The following PREPL variants were observed in gnomAD, a reference collection of about 807,000 sequenced individuals.
PREPL encodes prolyl endopeptidase like.
PREPL carries 77 observed loss-of-function variants against 70.6 expected under a neutral mutation model. The ratio of observed to expected loss-of-function variants is 1.09; its 90% CI spans 0.91 to 1.32. The LOEUF (loss-of-function observed/expected upper bound fraction) is 1.32, where lower values mean the gene tolerates loss of function less well. Ranked by LOEUF, PREPL falls within the 40% of genes most tolerant of loss-of-function variation. PREPL has a pLI of 0.00. For synonymous variants in PREPL, 315 were observed against 264.8 expected (o/e 1.19, Z -1.84); for missense variants, 1,002 against 778.2 (o/e 1.29, Z -3.42).
intron 1 of PREPL, among the ~76,000 whole-genome samples, chr2:44,349,485 C>T (rs1676174119): frequency 6.6e-6 from 1 of 151,952 alleles, no homozygotes; most frequent in Non-Finnish European, 1.5e-5. Context: ...AATTGAAAAA[C>T]AGAATGCAAT....
At chr2:44,332,775 C>T (rs182057029) in intron 7 of PREPL, 119 bp from the exon 8 acceptor site, 37 of 738,852 alleles carry the variant, frequency 5.0e-5, no homozygotes, top group African/African-American at 3.6e-4. Context: ...TTTGTTACCA[C>T]GTCATGCCTC....
rs547830400 is a variant in PREPL, at chr2:44,319,341, A to G, written c.*2015T>C. The G allele has an allele frequency of 6.5e-6, 1 of 152,752 alleles. No individual in the cohort carries two copies. The highest frequency in any genetic ancestry group is 2.1e-4 in the South Asian group (1 of 4,832). 9.5% of individuals were successfully genotyped at this position (152,752 alleles called of 1,614,324 possible). On this transcript the variant is annotated 3_prime_UTR_variant, in exon 14 of 14. Coordinates refer to ENST00000409411, the MANE Select transcript of PREPL (RefSeq NM_001171613.2). Reference sequence around the variant, plus strand: ...ATGTATCAAGTGCCCATACTCTTTGACAAAGTAACTGTCTTTCTGATAATC... The same window carrying G: ...ATGTATCAAGTGCCCATACTCTTTGGCAAAGTAACTGTCTTTCTGATAATC...
At chr2:44,326,141 C>G (rs1339000725) in intron 10 of PREPL, among the ~76,000 whole-genome samples, 3 of 152,124 alleles carry the variant, frequency 2.0e-5, no homozygotes, top group Non-Finnish European at 4.4e-5. Flanking sequence ...TGCTTCAGTG[C>G]TTTTTCACCA....
At chr2:44,354,574 C>T (rs1396862793) in intron 1 of PREPL, among the ~76,000 whole-genome samples, 8 of 146,260 alleles carry the variant, frequency 5.5e-5, no homozygotes, top group African/African-American at 2.0e-4. Flanking sequence ...TCCTTTCCTC[C>T]TCTCTTTTTT....
At position 44,343,742 on chromosome 2, in the gene PREPL, T is replaced by C; in HGVS notation, c.349+3A>G. On this transcript the variant is annotated splice_donor_region_variant and intron_variant, in intron 4 of 13. Transcript: ENST00000409411. ...CAGAGGACTATTTTGGTTGGTGGCT[T>C]ACCAAAACTGGACACATTCGGGAAA... 1 of 1,611,444 alleles carries C rather than the reference T, an allele frequency of 6.2e-7. No homozygotes were observed. The highest frequency in any genetic ancestry group is 1.3e-5 in the African/African-American group (1 of 74,984).
At chr2:44,347,697 G>T (rs1675978546) in intron 1 of PREPL, among the ~76,000 whole-genome samples, 1 of 152,186 alleles carries the variant, frequency 6.6e-6, no homozygotes, top group South Asian at 2.1e-4. Context: ...TCAGCTCTCT[G>T]CCAAAGATGA....
Position 44,319,919 on chromosome 2 carries a change from A to C in PREPL, c.*1437T>G, listed in dbSNP as rs569078123. On this transcript the variant is annotated 3_prime_UTR_variant, in exon 14 of 14. Transcript: ENST00000409411. The stretch of plus-strand genomic sequence containing the variant: ...CATGGACATTTGCTTTGGGACTCCT[A>C]AAGTGGAGTCAAATTTGATCTCTAC... 8.1e-6 allele frequency: 3 copies of C among 370,102 alleles called. No homozygotes were observed. Among genetic ancestry groups the C allele is most frequent in the African/African-American group, 6.2e-5 (3 of 48,206 alleles). 22.9% of individuals were successfully genotyped at this position (370,102 alleles called of 1,614,324 possible). A position where few individuals can be genotyped will look rare whatever the true frequency, so the allele number is the denominator to read the frequency against.
chr2:44,349,057 G>A (rs1297114000), intron 1 of PREPL, among the ~76,000 whole-genome samples: 1 of 151,986 alleles, frequency 6.6e-6, no homozygotes, highest in Admixed American at 6.6e-5. Context: ...CTCCATTAGT[G>A]GTAAAAAGAA....
intron 1 of PREPL, among the ~76,000 whole-genome samples, chr2:44,349,378 A>T (rs1382734236): frequency 6.6e-6 from 1 of 152,182 alleles, no homozygotes; most frequent in African/African-American, 2.4e-5. Flanking sequence ...ACAAGTGTCA[A>T]CTGAAGGGGT....
rs550648039 is a variant in PREPL at position 44,337,129 on chromosome 2, A to C, written c.888+1222T>G. Among the ~76,000 whole-genome samples, 4 of 152,340 alleles carry C rather than the reference A, an allele frequency of 2.6e-5. No homozygotes were observed. In the East Asian group the frequency reaches 5.8e-4, roughly 22 times the overall value. On this transcript the variant is annotated intron_variant, in intron 7 of 13. Coordinates refer to ENST00000409411, the MANE Select transcript of PREPL (RefSeq NM_001171613.2). ...CCCAGAAATGTATAGCGCTTTAATA[A>C]AACAGAATAATTAACAGTTTCCTGA...
intron 1 of PREPL, among the ~76,000 whole-genome samples, chr2:44,351,534 C>A (rs368009960): frequency 1.1e-4 from 17 of 151,680 alleles, no homozygotes; most frequent in African/African-American, 4.1e-4. Context: ...AAAAACAAAA[C>A]CCTGTTCTCC....
upstream of PREPL, chr2:44,361,807 G>C (rs1677857686): frequency 2.9e-6 from 3 of 1,029,550 alleles, no homozygotes; most frequent in South Asian, 2.5e-5. Flanking sequence ...AGCAAGAATG[G>C]TGCAATGGCG....
rs936018663 is a variant in PREPL at position 44,327,043 on chromosome 2, G to A, written c.1263-115C>T. On this transcript the variant is annotated intron_variant, in intron 9 of 13. Transcript: ENST00000409411. ...TTGTGTGGCCCTGGAGCTAAGACTG[G>A]TTTTTGCTTTTTAAAGGTTGAGTGA... 10 of 868,990 alleles carry A rather than the reference G, an allele frequency of 1.2e-5. No homozygotes were observed. The African/African-American group carries it at 1.4e-4, about 12-fold the overall frequency. The allele number at this position is 868,990 out of a possible 1,614,324, so 53.8% of individuals were successfully genotyped here. A position where few individuals can be genotyped will look rare whatever the true frequency, so the allele number is the denominator to read the frequency against.
At position 44,342,505 on chromosome 2, in the gene PREPL, G is replaced by C; in HGVS notation, c.397C>G (p.Gln133Glu). 1 of 1,611,820 alleles carries C rather than the reference G, an allele frequency of 6.2e-7. No individual in the cohort carries two copies. The highest frequency in any genetic ancestry group is 8.5e-7 in the Non-Finnish European group (1 of 1,178,724). The change falls in exon 5 of 14, where the codon CAG (glutamine) becomes GAG (glutamate). Residue 133 changes from glutamine to glutamate, a missense_variant. Transcript: ENST00000409411. ...EDEDVLFYTFQRNLRCHDVYR... is the reference protein window; with the variant it reads ...EDEDVLFYTFERNLRCHDVYR... ...ACGTCATGACAGCGAAGGTTCCTCTGGAAGGTGTAGAATAAAACATCTTCA... is the reference window on the plus strand; with the variant it reads ...ACGTCATGACAGCGAAGGTTCCTCTCGAAGGTGTAGAATAAAACATCTTCA...
At chr2:44,350,825 T>C (rs1434678410) in intron 1 of PREPL, among the ~76,000 whole-genome samples, 4 of 152,210 alleles carry the variant, frequency 2.6e-5, no homozygotes, top group Admixed American at 2.0e-4. Context: ...GTCAGGATCA[T>C]GATACAATTG....
In PREPL at chr2:44,339,320, T is replaced by G. The variant is rs756130943; in HGVS notation, c.529A>C (p.Thr177Pro). 1 of 1,613,986 alleles carries G rather than the reference T, an allele frequency of 6.2e-7. No homozygotes were observed. The highest frequency in any genetic ancestry group is 8.5e-7 in the Non-Finnish European group (1 of 1,179,970). Residue 177 changes from threonine (T) to proline (P), a missense_variant, in exon 6 of 14, where the codon ACC becomes CCC. By Grantham distance (38) the Thr-to-Pro change is conservative. Transcript: ENST00000409411. ...GTAGTCTTGTTCATAATATTTATGG[T>G]GAGGAAACGACTGTCTTTTGTAAGA... ...LYLTKDSRFLTINIMNKTTSE... is the reference protein window; with the variant it reads ...LYLTKDSRFLPINIMNKTTSE...
At chr2:44,359,874 C>T in intron 1 of PREPL, 1 of 587,206 alleles carries the variant, frequency 1.7e-6, no homozygotes, top group Non-Finnish European at 3.0e-6. Context: ...TGAATAACTT[C>T]AGACAGCTGA....
Position 44,320,791 on chromosome 2 carries a change from ATGTTTTG to A in PREPL, c.*558_*564del. 2.9e-6 allele frequency: 2 copies of A among 690,212 alleles called. No individual in the cohort carries two copies. Among genetic ancestry groups the A allele is most frequent in the Admixed American group, 5.1e-5 (2 of 38,852 alleles). 42.8% of individuals were successfully genotyped at this position (690,212 alleles called of 1,614,324 possible). A position where few individuals can be genotyped will look rare whatever the true frequency, so the allele number is the denominator to read the frequency against. On this transcript the variant is annotated 3_prime_UTR_variant, in exon 14 of 14. Coordinates refer to ENST00000409411, the MANE Select transcript of PREPL (RefSeq NM_001171613.2). ...TAACTGCTTTAAGAAAGGTTCTCAA[ATGTTTTG>A]AAAAAAATAAAATGTTTAAAAGTAA... is the stretch of plus-strand genomic sequence containing the variant.
chr2:44,352,649 G>C (rs536198398), intron 1 of PREPL, among the ~76,000 whole-genome samples: 10 of 152,170 alleles, frequency 6.6e-5, no homozygotes, highest in African/African-American at 1.9e-4. Context: ...ATTTTGTTCA[G>C]TGTTATATCT....
Sources: allele counts gnomAD v4.1 joint callset (sites outside exome capture counted in the v4.1 genomes callset), GRCh38; gene constraint gnomAD v4.1.1; transcripts MANE v1.5; gene names NCBI Gene and HGNC (gene_info 2026-07-23, HGNC 2026-07-21).